Variants in PROCR observed in about 807,000 individuals in gnomAD.
PROCR encodes protein C receptor, also known as endothelial protein C receptor.
Under a neutral mutation model 24.2 loss-of-function variants are expected in PROCR, and 22 were observed. The ratio of observed to expected loss-of-function variants is 0.91; its 90% CI spans 0.65 to 1.30. The LOEUF (loss-of-function observed/expected upper bound fraction) is 1.30, where lower values mean the gene tolerates loss of function less well. Ranked by LOEUF, PROCR falls within the 50% of genes most tolerant of loss-of-function variation. The pLI is 0.00. For synonymous variants in PROCR, 137 were observed against 139.2 expected (o/e 0.98, Z 0.11); for missense variants, 288 against 307.7 (o/e 0.94, Z 0.48).
chr20:35,213,456 T>C (rs191891050), intron 1 of PROCR, among the ~76,000 whole-genome samples: 1 of 152,184 alleles, frequency 6.6e-6, no homozygotes, highest in Admixed American at 6.5e-5. Context: ...GTTAAAAAAA[T>C]AATAATAAAT....
intron 1 of PROCR, among the ~76,000 whole-genome samples, chr20:35,193,610 G>T (rs548494174): frequency 6.3e-4 from 96 of 152,322 alleles, no homozygotes; most frequent in African/African-American, 2.2e-3. Flanking sequence ...ACAAAGGAAT[G>T]ACTCAGAGGT....
chr20:35,209,136 A>G (rs1245541550), intron 1 of PROCR, among the ~76,000 whole-genome samples: 2 of 152,212 alleles, frequency 1.3e-5, no homozygotes, highest in Non-Finnish European at 2.9e-5. Context: ...ACAAGGTGCT[A>G]TATGAGGGTA....
At chr20:35,174,974 G>A (rs1451192283) in intron 2 of PROCR, 21 bp downstream of exon 2, 1 of 1,478,232 alleles carries the variant, frequency 6.8e-7, no homozygotes, top group Non-Finnish European at 9.0e-7. Context: ...GCGCAGCGGG[G>A]GCGGGGTCTG....
intron 1 of PROCR, among the ~76,000 whole-genome samples, chr20:35,190,200 C>T (rs916156529): frequency 6.6e-6 from 1 of 152,114 alleles, no homozygotes; most frequent in African/African-American, 2.4e-5. Context: ...TGTGTACTGG[C>T]ATATAACAGG....
chr20:35,171,935 G>A (rs2085954169), upstream of PROCR: 2 of 616,692 alleles, frequency 3.2e-6, no homozygotes, highest in East Asian at 2.9e-5. Flanking sequence ...GGCAGAGGGA[G>A]GGCAGGAGGG....
At chr20:35,212,257 G>A (rs2060365254) in intron 1 of PROCR, among the ~76,000 whole-genome samples, 1 of 152,186 alleles carries the variant, frequency 6.6e-6, no homozygotes, top group South Asian at 2.1e-4. Context: ...AGAGGATGCA[G>A]CATGTCACAT....
intron 1 of PROCR, among the ~76,000 whole-genome samples, chr20:35,182,870 A>G (rs997908634): frequency 6.6e-6 from 1 of 150,684 alleles, no homozygotes; most frequent in African/African-American, 2.4e-5. Flanking sequence ...GCTACTCAGG[A>G]GGCTAAGGAA....
intron 1 of PROCR, chr20:35,202,025 A>G (rs916073377): frequency 1.3e-5 from 2 of 152,168 alleles, no homozygotes; most frequent in Middle Eastern, 3.2e-3. Flanking sequence ...CAAAAAGGAT[A>G]TATCAAACCT....
chr20:35,201,168 T>TAA (rs1258147164), intron 1 of PROCR, among the ~76,000 whole-genome samples: 2 of 136,046 alleles, frequency 1.5e-5, no homozygotes, highest in African/African-American at 5.5e-5. Context: ...GATCAACAGC[T>TAA]AAAAAAAAAA....
At chr20:35,182,361 A>G (rs1002911875), downstream of PROCR, among the ~76,000 whole-genome samples, 1 of 152,182 alleles carries the variant, frequency 6.6e-6, no homozygotes, top group African/African-American at 2.4e-5. Context: ...AATTGGTGGC[A>G]CGATCATGGC....
intron 1 of PROCR, among the ~76,000 whole-genome samples, chr20:35,197,911 T>C (rs879245312): frequency 6.6e-6 from 1 of 151,566 alleles, no homozygotes; most frequent in Admixed American, 6.6e-5. Context: ...GGAATGTACA[T>C]CAAAAGACTA....
intron 1 of PROCR, among the ~76,000 whole-genome samples, chr20:35,208,265 T>C (rs1489543671): frequency 2.0e-5 from 3 of 152,228 alleles, no homozygotes; most frequent in African/African-American, 7.2e-5. Flanking sequence ...GGAGCTTTCA[T>C]TTTCTCTCTT....
downstream of PROCR, among the ~76,000 whole-genome samples, chr20:35,178,043 T>G (rs552234701): frequency 1.8e-4 from 28 of 152,268 alleles, no homozygotes; most frequent in African/African-American, 6.3e-4. Flanking sequence ...CTACTGACCT[T>G]CATGGCTGCA....
chr20:35,174,437 G>T, intron 1 of PROCR: 1 of 526,178 alleles, frequency 1.9e-6, no homozygotes, highest in East Asian at 3.4e-5. Context: ...AGGGAGAGCC[G>T]AGGGTGAAAA....
chr20:35,174,601 C>T, intron 1 of PROCR, 101 bp from the exon 2 acceptor site: 1 of 1,465,230 alleles, frequency 6.8e-7, no homozygotes. Flanking sequence ...TATGAAGGGT[C>T]GAGAAGGCGG....
At chr20:35,177,946 C>T (rs1328778600), downstream of PROCR, among the ~76,000 whole-genome samples, 1 of 152,060 alleles carries the variant, frequency 6.6e-6, no homozygotes, top group Admixed American at 6.6e-5. Flanking sequence ...TCATCTTACA[C>T]GATTCACCCT....
chr20:35,207,821 C>T lies in PROCR; in HGVS notation c.95-8072C>T, dbSNP rs1387307942. On this transcript the variant is annotated intron_variant, in intron 1 of 1. Coordinates refer to the PROCR transcript ENST00000634509. ...CTGGGATTACAGGTGTGAGCCACCACGCCCGGTCAAGTTAGGACTGTCTTC... is the reference window on the plus strand; with the variant it reads ...CTGGGATTACAGGTGTGAGCCACCATGCCCGGTCAAGTTAGGACTGTCTTC... 3.9e-5 allele frequency among the ~76,000 whole-genome samples: 6 copies of T among 152,114 alleles called. No individual in the cohort carries two copies. The East Asian group carries it at 7.7e-4, about 20-fold the overall frequency.
chr20:35,190,997 C>T (rs2086168757), intron 1 of PROCR, among the ~76,000 whole-genome samples: 1 of 151,998 alleles, frequency 6.6e-6, no homozygotes, highest in African/African-American at 2.4e-5. Flanking sequence ...GTAGTTGGGA[C>T]TACAGGCACG....
intron 1 of PROCR, among the ~76,000 whole-genome samples, chr20:35,207,392 G>GTGTATATA (rs1555791832): frequency 4.3e-4 from 63 of 146,100 alleles, no homozygotes; most frequent in South Asian, 6.5e-4. Context: ...GTATGTTTGT[G>GTGTATATA]TATATATATA....
Sources: allele counts gnomAD v4.1 joint callset (sites outside exome capture counted in the v4.1 genomes callset), GRCh38; gene constraint gnomAD v4.1.1; transcripts MANE v1.5; gene names NCBI Gene and HGNC (gene_info 2026-07-23, HGNC 2026-07-21).